BRF1: variants seen among roughly 807,000 people sequenced by gnomAD.
BRF1 encodes BRF1 general transcription factor IIIB subunit.
Under a neutral mutation model 81.7 loss-of-function variants are expected in BRF1, and 59 were observed. The observed-to-expected ratio is 0.72, with a 90% CI of 0.59 to 0.90. BRF1 has a LOEUF of 0.90. Among genes scored for constraint, BRF1 ranks in the 40% least tolerant of loss-of-function variants. BRF1 has a pLI of 0.00. For missense variants in BRF1, 1,050 were observed against 936.3 expected, an observed-to-expected ratio of 1.12 and a Z score of -1.58; for synonymous variants, 491 against 395.6, an observed-to-expected ratio of 1.24 and a Z score of -2.86.
intron 11 of BRF1, 145 bp downstream of exon 11, chr14:105,221,503 G>A: frequency 8.5e-7 from 1 of 1,172,952 alleles, no homozygotes; most frequent in East Asian, 2.7e-5. Flanking sequence ...TGGGGGGACT[G>A]GTGGTGCCAC....
intron 1 of BRF1, among the ~76,000 whole-genome samples, chr14:105,310,682 C>T (rs1228774748): frequency 1.3e-5 from 2 of 152,028 alleles, no homozygotes; most frequent in African/African-American, 4.8e-5. Context: ...AGCCAGATGG[C>T]GCCCGGCTCT....
chr14:105,286,468 A>G, intron 1 of BRF1, 92 bp from the exon 2 acceptor site: 1 of 1,307,960 alleles, frequency 7.6e-7, no homozygotes, highest in South Asian at 1.3e-5. Context: ...GTGAGAACAA[A>G]GCGGGGGTCA....
intron 3 of BRF1, among the ~76,000 whole-genome samples, chr14:105,270,869 C>T (rs1344125391): frequency 6.6e-6 from 1 of 152,038 alleles, no homozygotes; most frequent in East Asian, 1.9e-4. Context: ...CGTCAGCAGG[C>T]TACCAGCTCG....
chr14:105,221,597 G>A (rs1233433253), intron 11 of BRF1, 51 bp downstream of exon 11: 1 of 1,577,030 alleles, frequency 6.3e-7, no homozygotes, highest in Non-Finnish European at 8.5e-7. Context: ...GCACACGCCT[G>A]AAAGATCTCC....
chr14:105,314,704 G>A (rs2058481405), intron 1 of BRF1: 1 of 142,466 alleles, frequency 7.0e-6, no homozygotes, highest in Non-Finnish European at 1.6e-5. Context: ...CCGGGGGCGC[G>A]CGGGGCGCGG....
chr14:105,289,240 G>A (rs2140494397), intron 1 of BRF1, among the ~76,000 whole-genome samples: 1 of 152,282 alleles, frequency 6.6e-6, no homozygotes, highest in Non-Finnish European at 1.5e-5. Flanking sequence ...CTACTCAGGT[G>A]GCTGAGGCAG....
rs115563310 is a variant in BRF1, at chr14:105,228,724, G to A, written c.788+96C>T. Reference sequence around the variant, plus strand: ...GCCAGCAGCCAGGCGGGGGACGGCAGGGTCCCGGGAGGTGGCGCCTGCTCT... The same window carrying A: ...GCCAGCAGCCAGGCGGGGGACGGCAAGGTCCCGGGAGGTGGCGCCTGCTCT... On this transcript the variant is annotated intron_variant, in intron 7 of 17. Transcript: ENST00000547530. 2.9e-3 allele frequency: 4,026 copies of A among 1,396,952 alleles called. 60 individuals are homozygous for A. The African/African-American group carries it at 0.037, about 13-fold the overall frequency. 86.5% of individuals were successfully genotyped at this position (1,396,952 alleles called of 1,614,324 possible).
chr14:105,229,006 G>A (rs1214982098), intron 6 of BRF1, 93 bp from the exon 7 acceptor site: 12 of 1,143,988 alleles, frequency 1.0e-5, no homozygotes, highest in Middle Eastern at 2.0e-4. Flanking sequence ...TCCCGGTCAC[G>A]GAGATGATGG....
chr14:105,294,215 G>A (rs965707030), intron 1 of BRF1, among the ~76,000 whole-genome samples: 3 of 152,338 alleles, frequency 2.0e-5, no homozygotes, highest in East Asian at 1.9e-4. Flanking sequence ...AGAACCCGCC[G>A]CCTCGCAGCA....
intron 4 of BRF1, chr14:105,256,175 A>G: frequency 2.0e-6 from 3 of 1,518,996 alleles, no homozygotes; most frequent in Admixed American, 2.0e-5. Flanking sequence ...AATCTCCTAT[A>G]CCAAACTAGG....
chr14:105,272,050 G>A (rs2056678852), intron 3 of BRF1, among the ~76,000 whole-genome samples: 1 of 39,450 alleles, frequency 2.5e-5, no homozygotes, highest in Admixed American at 2.1e-4. Flanking sequence ...GCTGAGGGTC[G>A]GCGGCCTCCC....
rs926287210 is a variant in BRF1 at position 105,282,429 on chromosome 14, G to C, written c.265+3867C>G. 2.6e-5 allele frequency among the ~76,000 whole-genome samples: 4 copies of C among 152,220 alleles called. No individual in the cohort carries two copies. In the East Asian group the frequency reaches 7.7e-4, roughly 29 times the overall value. ...TCAAGACTTCACCAAAACAGTAACA[G>C]TCGGAAGCTACATTCACAGATTTCC... is the stretch of plus-strand genomic sequence containing the variant. On this transcript the variant is annotated intron_variant, in intron 2 of 17. Transcript: ENST00000547530.
chr14:105,241,316 T>C lies in BRF1; in HGVS notation c.643A>G (p.Lys215Glu). Residue 215 changes from lysine to glutamate, a missense_variant, in exon 6 of 18, where the codon AAG becomes GAG. Lys to Glu is a moderately conservative substitution (Grantham distance 56). Around this residue, in one of 2 missense-constraint regions of BRF1, gnomAD observed 1,043 missense variants for 915.4 expected, o/e 1.14. Coordinates refer to ENST00000547530, the MANE Select transcript of BRF1 (RefSeq NM_001519.4). ...MTALRLLQRM[K>E]RDWMHTGRRP... ...CGGCCTGTGTGCATCCAGTCCCGCTTCATCCTCTGTAGGAGCCTCAGGGCA... is the reference window on the plus strand; with the variant it reads ...CGGCCTGTGTGCATCCAGTCCCGCTCCATCCTCTGTAGGAGCCTCAGGGCA... 1 of 1,612,714 alleles carries C rather than the reference T, an allele frequency of 6.2e-7. No homozygotes were observed. The highest frequency in any genetic ancestry group is 8.5e-7 in the Non-Finnish European group (1 of 1,179,930).
upstream of BRF1, among the ~76,000 whole-genome samples, chr14:105,301,774 C>G (rs1386337068): frequency 1.3e-5 from 2 of 152,154 alleles, no homozygotes; most frequent in African/African-American, 4.8e-5. Context: ...GCTGCGCACG[C>G]CCTCAAATAT....
chr14:105,226,519 G>T, intron 8 of BRF1, 115 bp downstream of exon 8: 1 of 1,545,458 alleles, frequency 6.5e-7, no homozygotes, highest in Non-Finnish European at 8.7e-7. Context: ...TAGCACTGAA[G>T]AGCGGCTATG....
intron 5 of BRF1, among the ~76,000 whole-genome samples, chr14:105,243,070 C>T (rs1031277439): frequency 1.7e-4 from 26 of 152,088 alleles, no homozygotes; most frequent in African/African-American, 6.0e-4. Flanking sequence ...GAGCCAAGAT[C>T]ATGCCACTGC....
chr14:105,272,897 A>C lies in BRF1; in HGVS notation c.266-3T>G, dbSNP rs1396834723. The C allele has an allele frequency of 3.1e-6, 5 of 1,603,000 alleles. No homozygotes were observed. Among genetic ancestry groups the C allele is most frequent in the Non-Finnish European group, 4.3e-6 (5 of 1,171,764 alleles). ...CAGGTGGTGGATGTGGCGCCTCCCTAGGACACAGCACGAGGCAGCTCTTAG... is the reference window on the plus strand; with the variant it reads ...CAGGTGGTGGATGTGGCGCCTCCCTCGGACACAGCACGAGGCAGCTCTTAG... On this transcript the variant is annotated splice_region_variant and splice_polypyrimidine_tract_variant and intron_variant, in intron 2 of 17. Transcript: ENST00000547530.
intron 1 of BRF1, among the ~76,000 whole-genome samples, chr14:105,294,352 G>GT (rs1158980644): frequency 6.6e-6 from 1 of 152,234 alleles, no homozygotes; most frequent in Non-Finnish European, 1.5e-5. Flanking sequence ...CAGCACCCGG[G>GT]TGACAGACTT....
Position 105,209,508 on chromosome 14 carries a change from C to G in BRF1, c.*1043G>C, listed in dbSNP as rs1415147111. 3 of 702,078 alleles carry G rather than the reference C, an allele frequency of 4.3e-6. No homozygotes were observed. In the Admixed American group the frequency reaches 6.0e-5, roughly 14 times the overall value. 43.5% of individuals were successfully genotyped at this position (702,078 alleles called of 1,614,324 possible). A position where few individuals can be genotyped will look rare whatever the true frequency, so the allele number is the denominator to read the frequency against. ...GCACGGCTCTGCCTCAAGGCCACCCCCTCCTAAGGACACAGGGTGAAGCCC... is the reference window on the plus strand; with the variant it reads ...GCACGGCTCTGCCTCAAGGCCACCCGCTCCTAAGGACACAGGGTGAAGCCC... On this transcript the variant is annotated 3_prime_UTR_variant, in exon 18 of 18. Transcript: ENST00000547530.
Sources: gnomAD v4.1 joint callset for allele counts (sites outside exome capture counted in the v4.1 genomes callset) on GRCh38, gnomAD v4.1.1 for gene constraint, gnomAD v4.1.1 regional missense constraint, MANE v1.5 for transcripts, NCBI Gene and HGNC (gene_info 2026-07-23, HGNC 2026-07-21) for gene names.